Variants in TMEM132D observed in about 807,000 individuals in gnomAD.
TMEM132D encodes the protein mature OL transmembrane protein.
TMEM132D carries 21 observed loss-of-function variants against 62.3 expected under a neutral mutation model. The observed-to-expected ratio is 0.34, with a 90% CI of 0.24 to 0.49. The LOEUF (loss-of-function observed/expected upper bound fraction) is 0.49. Ranked by LOEUF, TMEM132D falls within the 20% of genes least tolerant of loss-of-function variation. The probability of loss-of-function intolerance (pLI) is 0.99; values close to 1 mark genes in which losing one functional copy is unlikely to be tolerated. For synonymous variants in TMEM132D, 621 were observed against 575.6 expected, an observed-to-expected ratio of 1.08 and a Z score of -1.13; for missense variants, 1,346 against 1,402.8, an observed-to-expected ratio of 0.96 and a Z score of 0.65.
At chr12:129,717,626 A>T (rs946678450) in intron 1 of TMEM132D, among the ~76,000 whole-genome samples, 3 of 150,418 alleles carry the variant, frequency 2.0e-5, no homozygotes, top group African/African-American at 7.3e-5. Context: ...AGGCCCACAG[A>T]AATGTGTCCA....
chr12:129,754,650 A>G (rs1870107648), intron 1 of TMEM132D, among the ~76,000 whole-genome samples: 1 of 152,216 alleles, frequency 6.6e-6, no homozygotes, highest in Non-Finnish European at 1.5e-5. Flanking sequence ...AGACTCATTT[A>G]CAGAGAAAAA....
intron 4 of TMEM132D, among the ~76,000 whole-genome samples, chr12:129,230,431 T>C (rs2135578311): frequency 6.6e-6 from 1 of 152,368 alleles, no homozygotes; most frequent in Admixed American, 6.5e-5. Flanking sequence ...TCATGGGGAC[T>C]TGGAGAAAAT....
chr12:129,573,844 C>T lies in TMEM132D; in HGVS notation c.969-42639G>A, dbSNP rs150265183. Among the ~76,000 whole-genome samples, 201 of 149,716 alleles carry T rather than the reference C, an allele frequency of 1.3e-3. 1 individual carries two copies. The highest frequency in any genetic ancestry group is 3.4e-3 in the Middle Eastern group (1 of 294). ...GTGTGAAAGAAGTGTTACACAGAAG[C>T]GTGGATATTGTATCCTTCCATTTAT... On this transcript the variant is annotated intron_variant, in intron 2 of 8. Transcript: ENST00000422113.
intron 2 of TMEM132D, among the ~76,000 whole-genome samples, chr12:129,537,802 T>A (rs1197643690): frequency 6.6e-6 from 1 of 152,108 alleles, no homozygotes; most frequent in East Asian, 1.9e-4. Context: ...AGCATGGGGG[T>A]GTGGCCTCCA....
chr12:129,640,375 C>T (rs376365750), intron 2 of TMEM132D, among the ~76,000 whole-genome samples: 3 of 152,222 alleles, frequency 2.0e-5, no homozygotes, highest in South Asian at 2.1e-4. Context: ...CTGCTGCTCT[C>T]GCTTGCCATA....
At chr12:129,366,129 C>T (rs1010393393) in intron 3 of TMEM132D, among the ~76,000 whole-genome samples, 3 of 152,100 alleles carry the variant, frequency 2.0e-5, no homozygotes, top group Non-Finnish European at 2.9e-5. Flanking sequence ...AAAAAACACT[C>T]ACCCGGATAT....
chr12:129,246,620 G>T (rs1168505810), intron 4 of TMEM132D, among the ~76,000 whole-genome samples: 1 of 152,118 alleles, frequency 6.6e-6, no homozygotes, highest in Non-Finnish European at 1.5e-5. Context: ...GCCGGATGTG[G>T]TGGTGCATGC....
intron 3 of TMEM132D, among the ~76,000 whole-genome samples, chr12:129,463,438 CTATTTATT>C (rs34072279): frequency 3.1e-4 from 45 of 146,094 alleles, no homozygotes; most frequent in African/African-American, 7.2e-4. Flanking sequence ...GATCCCTGTC[CTATTTATT>C]TATTTATTTA....
chr12:129,451,577 G>T (rs1261095120), intron 3 of TMEM132D, among the ~76,000 whole-genome samples: 1 of 152,184 alleles, frequency 6.6e-6, no homozygotes, highest in Non-Finnish European at 1.5e-5. Context: ...AATATGTGAA[G>T]CCAAAGACTA....
chr12:129,179,318 C>G (rs1877998189), intron 5 of TMEM132D, among the ~76,000 whole-genome samples: 1 of 149,106 alleles, frequency 6.7e-6, no homozygotes, highest in South Asian at 2.1e-4. Flanking sequence ...CAGAGGTAGC[C>G]TTTTTTTTTG....
intron 1 of TMEM132D, among the ~76,000 whole-genome samples, chr12:129,715,413 A>G (rs1331709618): frequency 1.3e-5 from 2 of 152,216 alleles, no homozygotes; most frequent in African/African-American, 4.8e-5. Context: ...TTTATTTACC[A>G]GGAGAGAATG....
intron 2 of TMEM132D, among the ~76,000 whole-genome samples, chr12:129,558,761 G>A (rs1165470588): frequency 6.6e-6 from 1 of 152,178 alleles, no homozygotes; most frequent in East Asian, 1.9e-4. Flanking sequence ...ACGGGTCCAT[G>A]GACTGGAGAA....
chr12:129,816,196 C>T (rs894075469), intron 1 of TMEM132D, among the ~76,000 whole-genome samples: 2 of 152,118 alleles, frequency 1.3e-5, no homozygotes, highest in African/African-American at 4.8e-5. Flanking sequence ...TGCTAGGGGC[C>T]GTGTTCATCT....
At chr12:129,753,500 C>T (rs1455695409) in intron 1 of TMEM132D, among the ~76,000 whole-genome samples, 2 of 152,280 alleles carry the variant, frequency 1.3e-5, no homozygotes, top group East Asian at 3.9e-4. Context: ...AACGCTGCAG[C>T]CCCAATCCTG....
intron 5 of TMEM132D, chr12:129,110,163 G>C (rs1160873229): frequency 6.6e-6 from 1 of 152,404 alleles, no homozygotes; most frequent in Admixed American, 6.5e-5. Flanking sequence ...AGCTCAGCCT[G>C]CCTACTCCTT....
chr12:129,647,476 TGCTG>T (rs976290619), intron 2 of TMEM132D, among the ~76,000 whole-genome samples: 1 of 152,186 alleles, frequency 6.6e-6, no homozygotes, highest in African/African-American at 2.4e-5. Context: ...CTAGCAGAAC[TGCTG>T]GATCATGGAG....
intron 2 of TMEM132D, among the ~76,000 whole-genome samples, chr12:129,585,320 GT>G (rs1414712338): frequency 5.9e-5 from 9 of 152,188 alleles, no homozygotes; most frequent in Non-Finnish European, 1.0e-4. Context: ...CAGGGATGAG[GT>G]TTTGTGAGGA....
rs368782111 is a variant in TMEM132D at position 129,308,761 on chromosome 12, C to T, written c.1299+28873G>A. Among the ~76,000 whole-genome samples, 12 of 152,278 alleles carry T rather than the reference C, an allele frequency of 7.9e-5. No homozygotes were observed. In the East Asian group the frequency reaches 2.3e-3, roughly 29 times the overall value. ...GGGAAAAGAAGGAGCCAACATAATTCAGCCAATTTTGGGGCTATTCTTAGA... is the reference window on the plus strand; with the variant it reads ...GGGAAAAGAAGGAGCCAACATAATTTAGCCAATTTTGGGGCTATTCTTAGA... On this transcript the variant is annotated intron_variant, in intron 4 of 8. Coordinates refer to ENST00000422113, the MANE Select transcript of TMEM132D (RefSeq NM_133448.3).
intron 2 of TMEM132D, among the ~76,000 whole-genome samples, chr12:129,677,846 T>C (rs59808106): frequency 0.21 from 31,328 of 148,980 alleles, 3,482 homozygotes; most frequent in East Asian, 0.37. Context: ...TTTTTTTTTT[T>C]CTATAGTTTT....
Sources: allele counts gnomAD v4.1 joint callset (sites outside exome capture counted in the v4.1 genomes callset), GRCh38; gene constraint gnomAD v4.1.1; transcripts MANE v1.5; gene names NCBI Gene and HGNC (gene_info 2026-07-23, HGNC 2026-07-21).